Variants in MALT1 observed in about 807,000 individuals in gnomAD.
The protein encoded by MALT1 is mucosa-associated lymphoid tissue lymphoma translocation protein 1.
A neutral mutation model predicts 85.5 loss-of-function variants in MALT1; 36 were observed. That is an observed-to-expected ratio of 0.42 (90% CI 0.32 to 0.56). The LOEUF (loss-of-function observed/expected upper bound fraction) is 0.56, where lower values mean the gene tolerates loss of function less well. Among genes scored for constraint, MALT1 ranks in the 20% least tolerant of loss-of-function variants. MALT1 has a pLI of 0.10. For synonymous variants in MALT1, 359 were observed against 361.3 expected, an observed-to-expected ratio of 0.99 and a Z score of 0.07; for missense variants, 716 against 981.6, an observed-to-expected ratio of 0.73 and a Z score of 3.62.
At chr18:58,683,026 C>A (rs560846785) in intron 2 of MALT1, among the ~76,000 whole-genome samples, 1 of 152,298 alleles carries the variant, frequency 6.6e-6, no homozygotes, top group Non-Finnish European at 1.5e-5. Context: ...AGTAAACTTT[C>A]TTTTTTAAAC....
Position 58,741,895 on chromosome 18 carries a change from A to G in MALT1, c.1634A>G (p.Lys545Arg), listed in dbSNP as rs753832547. The change falls in exon 14 of 17, where the codon AAA becomes AGA. Residue 545 changes from lysine to arginine, a missense_variant. Coordinates refer to ENST00000649217, the MANE Select transcript of MALT1 (RefSeq NM_006785.4). ...DMGKCHLTKG[K>R]QALEIRSSLS... ...GGTAAGTGTCACCTTACCAAAGGCA[A>G]ACAGGCTCTAGAGATTCGAAGTAGT... 3 of 1,537,970 alleles carry G rather than the reference A, an allele frequency of 2.0e-6. No individual in the cohort carries two copies. The East Asian group carries it at 6.8e-5, about 35-fold the overall frequency.
chr18:58,691,528 G>A (rs1392011986), intron 2 of MALT1: 2 of 192,664 alleles, frequency 1.0e-5, no homozygotes, highest in African/African-American at 4.8e-5. Flanking sequence ...GGTCTGGGTG[G>A]AATCATGCCA....
chr18:58,672,437 A>G (rs2054178746), intron 1 of MALT1: 1 of 152,178 alleles, frequency 6.6e-6, no homozygotes, highest in African/African-American at 2.4e-5. Flanking sequence ...CTCGAAGTAA[A>G]ACTATTTTCC....
intron 11 of MALT1, chr18:58,734,034 G>C: frequency 8.0e-7 from 1 of 1,257,538 alleles, no homozygotes; most frequent in Non-Finnish European, 1.0e-6. Context: ...ACCAATGACT[G>C]TTCCTCTAGA....
intron 4 of MALT1, among the ~76,000 whole-genome samples, chr18:58,704,309 T>G (rs1279619556): frequency 6.6e-6 from 1 of 152,246 alleles, no homozygotes; most frequent in Non-Finnish European, 1.5e-5. Flanking sequence ...AGATTTCAGG[T>G]TACTCGCCCC....
chr18:58,687,445 A>G (rs2054421257), intron 2 of MALT1, among the ~76,000 whole-genome samples: 1 of 152,242 alleles, frequency 6.6e-6, no homozygotes, highest in Non-Finnish European at 1.5e-5. Context: ...GTAATGCCGT[A>G]GGAGGGACAC....
At chr18:58,705,988 T>TG (rs2054746158) in intron 4 of MALT1, among the ~76,000 whole-genome samples, 1 of 152,164 alleles carries the variant, frequency 6.6e-6, no homozygotes, top group Non-Finnish European at 1.5e-5. Flanking sequence ...CAGCACCTGT[T>TG]GTTTCCTGAC....
chr18:58,742,505 G>A (rs540991085), intron 14 of MALT1, among the ~76,000 whole-genome samples: 2 of 152,048 alleles, frequency 1.3e-5, no homozygotes, highest in Non-Finnish European at 2.9e-5. Context: ...TCAGGAGTTA[G>A]ACACCAGCCT....
Position 58,752,616 on chromosome 18 carries a change from C to CAAAAA in MALT1, c.*4791_*4795dup, listed in dbSNP as rs34321301. 1.8e-5 allele frequency: 2 copies of CAAAAA among 109,588 alleles called. No individual in the cohort carries two copies. Among genetic ancestry groups the CAAAAA allele is most frequent in the East Asian group, 2.7e-4 (1 of 3,702 alleles). The allele number at this position is 109,588 out of a possible 1,614,324, so 6.8% of individuals were successfully genotyped here. A position where few individuals can be genotyped will look rare whatever the true frequency, so the allele number is the denominator to read the frequency against. Reference sequence around the variant, plus strand: ...CAACATGGTGAAACCCCATCTCTACCAAAAAAAAAAAAAAAAAAAAAGCAA... The same window carrying CAAAAA: ...CAACATGGTGAAACCCCATCTCTACCAAAAAAAAAAAAAAAAAAAAAAAAAAGCAA... On this transcript the variant is annotated 3_prime_UTR_variant, in exon 17 of 17. Coordinates refer to ENST00000649217, the MANE Select transcript of MALT1 (RefSeq NM_006785.4).
rs114319098 is a variant in MALT1, at chr18:58,715,557, A to G, written c.986-378A>G. Among the ~76,000 whole-genome samples the G allele has an allele frequency of 1.0e-2, 1,516 of 152,288 alleles. 4 individuals carry two copies. The highest frequency in any genetic ancestry group is 0.017 in the Middle Eastern group (5 of 294). ...CCAGAAGGAGACTCCCTAAGTTAGTATCCAGATTTGCTACTTACTAGCTTC... is the reference window on the plus strand; with the variant it reads ...CCAGAAGGAGACTCCCTAAGTTAGTGTCCAGATTTGCTACTTACTAGCTTC... On this transcript the variant is annotated intron_variant, in intron 8 of 16. Transcript: ENST00000649217.
chr18:58,704,687 G>T (rs901421741), intron 4 of MALT1, among the ~76,000 whole-genome samples: 4 of 152,086 alleles, frequency 2.6e-5, no homozygotes, highest in Non-Finnish European at 4.4e-5. Flanking sequence ...CAAGCGATCC[G>T]CCCACCTCGG....
intron 5 of MALT1, 121 bp downstream of exon 5, chr18:58,709,677 T>G: frequency 1.1e-6 from 1 of 888,718 alleles, no homozygotes. Context: ...TTTCAGTATT[T>G]TTATTTAAAG....
chr18:58,728,886 CA>C (rs2055104041), intron 10 of MALT1, among the ~76,000 whole-genome samples: 1 of 152,132 alleles, frequency 6.6e-6, no homozygotes, highest in Non-Finnish European at 1.5e-5. Flanking sequence ...GTTGTATCTT[CA>C]CCCCAATCAA....
At chr18:58,675,698 A>C (rs574804112) in intron 1 of MALT1, among the ~76,000 whole-genome samples, 1 of 152,318 alleles carries the variant, frequency 6.6e-6, no homozygotes, top group African/African-American at 2.4e-5. Context: ...TAAAACAAAT[A>C]AACTAAAAAA....
At chr18:58,735,374 AG>A (rs1202855055) in intron 13 of MALT1, 45 bp downstream of exon 13, 11 of 1,561,412 alleles carry the variant, frequency 7.0e-6, no homozygotes, top group African/African-American at 1.4e-5. Context: ...AAAGGAGAGC[AG>A]GGGAGACACA....
intron 14 of MALT1, among the ~76,000 whole-genome samples, chr18:58,743,771 A>G (rs981585994): frequency 6.6e-6 from 1 of 152,192 alleles, no homozygotes; most frequent in Non-Finnish European, 1.5e-5. Flanking sequence ...TTTTAATACC[A>G]TCAAGTAGAC....
intron 9 of MALT1, among the ~76,000 whole-genome samples, chr18:58,719,722 G>A (rs764776784): frequency 1.8e-4 from 27 of 152,068 alleles, no homozygotes; most frequent in Non-Finnish European, 3.7e-4. Flanking sequence ...AATGCAAATG[G>A]CCTTGAATGC....
chr18:58,735,631 A>C (rs1454066687), intron 13 of MALT1, among the ~76,000 whole-genome samples: 1 of 148,236 alleles, frequency 6.7e-6, no homozygotes, highest in African/African-American at 2.5e-5. Flanking sequence ...CTTTGCTTCT[A>C]TGCCCAGTGC....
chr18:58,745,710 A>G lies in MALT1; in HGVS notation c.1956A>G (p.Glu652=). The stretch of plus-strand genomic sequence containing the variant: ...AAGATGCAAATAAAGGCACACCTGA[A>G]GAAACTGGCAGCTACTTGGTATCAA... ...DPKDANKGTP[E]ETGSYLVSKD... The change falls in exon 16 of 17, where the codon GAA becomes GAG. Residue 652 remains glutamate (E), a synonymous_variant. Transcript: ENST00000649217. 6.2e-7 allele frequency: 1 copy of G among 1,613,822 alleles called. No individual in the cohort carries two copies. Among genetic ancestry groups the G allele is most frequent in the Non-Finnish European group, 8.5e-7 (1 of 1,179,776 alleles).
Sources: gnomAD v4.1 joint callset for allele counts (sites outside exome capture counted in the v4.1 genomes callset) on GRCh38, gnomAD v4.1.1 for gene constraint, MANE v1.5 for transcripts, NCBI Gene and HGNC (gene_info 2026-07-23, HGNC 2026-07-21) for gene names.